Variants in NSUN6 observed in about 807,000 individuals in gnomAD.
The protein encoded by NSUN6 is tRNA (cytosine(72)-C(5))-methyltransferase NSUN6.
A neutral mutation model predicts 58.0 loss-of-function variants in NSUN6; 64 were observed. The observed-to-expected ratio is 1.10, with a 90% confidence interval of 0.90 to 1.36. The LOEUF (loss-of-function observed/expected upper bound fraction) is 1.36. Ranked by LOEUF, NSUN6 falls within the 40% of genes most tolerant of loss-of-function variation. NSUN6 has a pLI of 0.00. For synonymous variants in NSUN6, 231 were observed against 193.9 expected (o/e 1.19, Z -1.59); for missense variants, 701 against 550.1 (o/e 1.27, Z -2.74).
chr10:18,629,234 T>A (rs2058940521), intron 3 of NSUN6, among the ~76,000 whole-genome samples: 1 of 152,056 alleles, frequency 6.6e-6, no homozygotes, highest in South Asian at 2.1e-4. Context: ...AGGCCTGCCC[T>A]AAAAGAGCTC....
intron 7 of NSUN6, among the ~76,000 whole-genome samples, chr10:18,586,428 T>G (rs1276493106): frequency 3.9e-5 from 6 of 152,196 alleles, no homozygotes; most frequent in Admixed American, 1.3e-4. Context: ...TCTCCCTGAC[T>G]TCAGGAGTGA....
intron 3 of NSUN6, among the ~76,000 whole-genome samples, chr10:18,631,489 G>T (rs77967529): frequency 3.3e-4 from 43 of 129,970 alleles, no homozygotes; most frequent in African/African-American, 1.2e-3. Context: ...TGACATGATT[G>T]TATATCTAGA....
chr10:18,602,647 G>A (rs1266684307), intron 6 of NSUN6, among the ~76,000 whole-genome samples: 1 of 152,178 alleles, frequency 6.6e-6, no homozygotes, highest in Non-Finnish European at 1.5e-5. Flanking sequence ...TGGGATTACA[G>A]GTATGAGCCA....
At position 18,647,553 on chromosome 10, in the gene NSUN6, G is replaced by A. The variant is rs975401160; in HGVS notation, c.231+937C>T. Among the ~76,000 whole-genome samples the A allele has an allele frequency of 5.9e-5, 9 of 152,162 alleles. No individual in the cohort carries two copies. In the East Asian group the frequency reaches 1.7e-3, roughly 29 times the overall value. On this transcript the variant is annotated intron_variant, in intron 2 of 10. Coordinates refer to ENST00000377304, the MANE Select transcript of NSUN6 (RefSeq NM_182543.5). The stretch of plus-strand genomic sequence containing the variant: ...CAAGATAACTCATACTTTCTGCTTA[G>A]AAGTCATAAATGCCATTTTATAATA...
At chr10:18,557,406 T>C (rs1216339491) in intron 8 of NSUN6, among the ~76,000 whole-genome samples, 1 of 144,900 alleles carries the variant, frequency 6.9e-6, no homozygotes, top group Non-Finnish European at 1.5e-5. Context: ...GAGCATGGAA[T>C]GGAATGGAGA....
At chr10:18,603,756 C>T (rs1296153518) in intron 6 of NSUN6, among the ~76,000 whole-genome samples, 5 of 152,062 alleles carry the variant, frequency 3.3e-5, no homozygotes, top group Admixed American at 6.6e-5. Context: ...GGATTACAGG[C>T]GTGAGCCACC....
chr10:18,607,141 A>C (rs1377705028), intron 6 of NSUN6, among the ~76,000 whole-genome samples: 1 of 152,226 alleles, frequency 6.6e-6, no homozygotes, highest in Non-Finnish European at 1.5e-5. Flanking sequence ...TGCCTCTCAC[A>C]TGATGTACTT....
intron 6 of NSUN6, among the ~76,000 whole-genome samples, chr10:18,596,754 C>T (rs1350887541): frequency 2.6e-5 from 4 of 152,248 alleles, no homozygotes; most frequent in East Asian, 1.9e-4. Flanking sequence ...TTGGTCTCAG[C>T]GGTCATTACT....
chr10:18,550,728 C>CTTTTT (rs66875630), intron 9 of NSUN6, among the ~76,000 whole-genome samples: 3 of 138,932 alleles, frequency 2.2e-5, no homozygotes, highest in Non-Finnish European at 3.1e-5. Context: ...CAAAAAATCT[C>CTTTTT]TTTTTTTTTT....
chr10:18,564,741 C>CTCCAT (rs1456807754), intron 8 of NSUN6, among the ~76,000 whole-genome samples: 2 of 145,276 alleles, frequency 1.4e-5, no homozygotes, highest in African/African-American at 5.0e-5. Context: ...CCCTTCCAGT[C>CTCCAT]TCCATTCCAT....
intron 6 of NSUN6, among the ~76,000 whole-genome samples, chr10:18,607,228 T>G (rs958465109): frequency 6.6e-6 from 1 of 152,240 alleles, no homozygotes; most frequent in African/African-American, 2.4e-5. Context: ...AGGCAACTTC[T>G]TGAAACATTT....
At chr10:18,548,644 G>A (rs141714908) in intron 9 of NSUN6, among the ~76,000 whole-genome samples, 9 of 152,058 alleles carry the variant, frequency 5.9e-5, no homozygotes, top group African/African-American at 2.2e-4. Context: ...TCTCACTGTT[G>A]CCCAGTCTTG....
intron 8 of NSUN6, among the ~76,000 whole-genome samples, chr10:18,575,341 A>G (rs1281715913): frequency 6.6e-6 from 1 of 152,240 alleles, no homozygotes; most frequent in Non-Finnish European, 1.5e-5. Flanking sequence ...AGTTGATTAC[A>G]CAGAAATGTC....
At chr10:18,619,963 A>T (rs1041221156) in intron 3 of NSUN6, among the ~76,000 whole-genome samples, 25 of 151,916 alleles carry the variant, frequency 1.6e-4, no homozygotes, top group African/African-American at 5.6e-4. Flanking sequence ...CTTTTTTTTT[A>T]AATATTCATT....
chr10:18,593,888 A>G (rs1213238547), intron 7 of NSUN6, among the ~76,000 whole-genome samples: 1 of 151,892 alleles, frequency 6.6e-6, no homozygotes, highest in Non-Finnish European at 1.5e-5. Flanking sequence ...AAAAAAAAAA[A>G]AAGGGCCAAA....
chr10:18,640,720 C>T (rs2059365990), intron 3 of NSUN6, among the ~76,000 whole-genome samples: 1 of 152,122 alleles, frequency 6.6e-6, no homozygotes, highest in African/African-American at 2.4e-5. Context: ...ACAAACTAAA[C>T]ATTTAAGATC....
At chr10:18,546,865 C>A (rs925530141) in intron 10 of NSUN6, among the ~76,000 whole-genome samples, 12 of 149,558 alleles carry the variant, frequency 8.0e-5, no homozygotes, top group African/African-American at 3.0e-4. Flanking sequence ...GAGTGACACT[C>A]CATCTCAAAA....
rs778725500 is a variant in NSUN6, at chr10:18,614,474, T to C, written c.561A>G (p.Gly187=). ...TGATGACATACTTCAGTTCAGGTAATCCACTGAAGATTTCTTTGCGGCTTA... is the reference window on the plus strand; with the variant it reads ...TGATGACATACTTCAGTTCAGGTAACCCACTGAAGATTTCTTTGCGGCTTA... ...SELSRKEIFS[G]LPELKGMGIR... Residue 187 remains glycine, a synonymous_variant, in exon 5 of 11, where the codon GGA becomes GGG. Transcript: ENST00000377304. 4.3e-5 allele frequency: 67 copies of C among 1,543,180 alleles called. No individual in the cohort carries two copies. The highest frequency in any genetic ancestry group is 5.7e-5 in the Non-Finnish European group (65 of 1,149,262).
chr10:18,657,597 T>C (rs1213418787), upstream of NSUN6, among the ~76,000 whole-genome samples: 1 of 152,076 alleles, frequency 6.6e-6, no homozygotes, highest in African/African-American at 2.4e-5. Context: ...TTCAAATCTC[T>C]GCATTTTCTT....
Sources: gnomAD v4.1 joint callset for allele counts (sites outside exome capture counted in the v4.1 genomes callset) on GRCh38, gnomAD v4.1.1 for gene constraint, MANE v1.5 for transcripts, NCBI Gene and HGNC (gene_info 2026-07-23, HGNC 2026-07-21) for gene names.